Variants in TPST1 observed in about 807,000 individuals in gnomAD.
TPST1 encodes protein-tyrosine sulfotransferase 1.
A neutral mutation model predicts 34.8 loss-of-function variants in TPST1; 20 were observed. The observed-to-expected ratio is 0.57, with a 90% confidence interval of 0.40 to 0.84. The LOEUF (loss-of-function observed/expected upper bound fraction) is 0.84. TPST1 is among the 40% of genes least tolerant of loss of function. TPST1 has a pLI of 0.00. For missense variants in TPST1, 353 were observed against 455.5 expected (o/e 0.78, Z 2.05); for synonymous variants, 152 against 159.4 (o/e 0.95, Z 0.35).
intron 4 of TPST1, among the ~76,000 whole-genome samples, chr7:66,354,233 C>A (rs1369744406): frequency 6.6e-6 from 1 of 152,098 alleles, no homozygotes; most frequent in Non-Finnish European, 1.5e-5. Flanking sequence ...GAAACCTGGG[C>A]AGATTCATGA....
chr7:66,299,482 T>C (rs751421768), intron 3 of TPST1, among the ~76,000 whole-genome samples: 2 of 152,098 alleles, frequency 1.3e-5, no homozygotes, highest in African/African-American at 4.8e-5. Context: ...TTCTTATGAA[T>C]GTAATTTTTT....
chr7:66,247,154 A>G (rs1790166258), intron 2 of TPST1, among the ~76,000 whole-genome samples: 1 of 152,236 alleles, frequency 6.6e-6, no homozygotes, highest in African/African-American at 2.4e-5. Context: ...GAGGCCAGGC[A>G]CAGTGGCTCA....
chr7:66,221,991 C>T (rs560267114), intron 1 of TPST1, among the ~76,000 whole-genome samples: 7 of 152,038 alleles, frequency 4.6e-5, no homozygotes, highest in East Asian at 1.9e-4. Context: ...GTTTCATTTT[C>T]GATGTTTATT....
At chr7:66,296,276 T>C (rs2115999374) in intron 3 of TPST1, among the ~76,000 whole-genome samples, 1 of 99,922 alleles carries the variant, frequency 1.0e-5, no homozygotes, top group South Asian at 4.2e-4. Context: ...CGTCTCTGCC[T>C]ATCTTTAAAG....
intron 1 of TPST1, among the ~76,000 whole-genome samples, chr7:66,208,095 C>T (rs1789169342): frequency 6.6e-6 from 1 of 152,062 alleles, no homozygotes; most frequent in East Asian, 1.9e-4. Flanking sequence ...GGTTCCATTT[C>T]TGAACTATCA....
intron 4 of TPST1, among the ~76,000 whole-genome samples, chr7:66,354,736 C>T (rs1792549883): frequency 6.6e-6 from 1 of 152,074 alleles, no homozygotes; most frequent in Admixed American, 6.6e-5. Context: ...GCATGAGGCT[C>T]ACGCTTGTAA....
At position 66,240,573 on chromosome 7, in the gene TPST1, A is replaced by G; in HGVS notation, c.148A>G (p.Thr50Ala). ...AGTCAAATTGGAGAGCACAAGGACC[A>G]CTGTGAGAACTGGCCTGGACCTCAA... is the stretch of plus-strand genomic sequence containing the variant. ...QPVKLESTRT[T>A]VRTGLDLKAN... The change falls in exon 2 of 6, where the codon ACT becomes GCT. Residue 50 changes from threonine (T) to alanine (A), a missense_variant. By Grantham distance (58) the Thr-to-Ala change is moderately conservative. Transcript: ENST00000304842. The G allele has an allele frequency of 6.2e-7, 1 of 1,614,212 alleles. No homozygotes were observed. The highest frequency in any genetic ancestry group is 8.5e-7 in the Non-Finnish European group (1 of 1,180,026).
At chr7:66,250,140 T>C (rs1330109399) in intron 2 of TPST1, among the ~76,000 whole-genome samples, 1 of 152,166 alleles carries the variant, frequency 6.6e-6, no homozygotes, top group Non-Finnish European at 1.5e-5. Context: ...TACTGAACAT[T>C]TGTTATGTGC....
At chr7:66,283,469 G>C (rs184146970) in intron 2 of TPST1, among the ~76,000 whole-genome samples, 77 of 152,214 alleles carry the variant, frequency 5.1e-4, no homozygotes, top group Non-Finnish European at 9.9e-4. Flanking sequence ...CTCTTCCTCA[G>C]CTACTCAACT....
chr7:66,292,527 C>T (rs1361009386), intron 3 of TPST1, among the ~76,000 whole-genome samples: 1 of 64,164 alleles, frequency 1.6e-5, no homozygotes, highest in East Asian at 3.4e-4. Context: ...GGGCGTAGGA[C>T]CCTCTGAGCC....
chr7:66,336,478 C>T (rs1255706005), intron 3 of TPST1, among the ~76,000 whole-genome samples: 1 of 152,116 alleles, frequency 6.6e-6, no homozygotes, highest in African/African-American at 2.4e-5. Context: ...TGGAATAACT[C>T]ATTGGAAAGC....
At chr7:66,331,596 AT>A (rs1791996090) in intron 3 of TPST1, among the ~76,000 whole-genome samples, 1 of 152,174 alleles carries the variant, frequency 6.6e-6, no homozygotes, top group Non-Finnish European at 1.5e-5. Context: ...ATTATTTGAA[AT>A]TTTATTTCAT....
intron 3 of TPST1, among the ~76,000 whole-genome samples, chr7:66,350,494 C>T (rs964353259): frequency 6.6e-6 from 1 of 151,564 alleles, no homozygotes; most frequent in Non-Finnish European, 1.5e-5. Context: ...AGCCTTGTGT[C>T]TCTACTTCAG....
At chr7:66,275,439 A>T (rs180869303) in intron 2 of TPST1, among the ~76,000 whole-genome samples, 1 of 152,356 alleles carries the variant, frequency 6.6e-6, no homozygotes, top group Admixed American at 6.5e-5. Flanking sequence ...TGTTCATTAC[A>T]GCACTATTCA....
chr7:66,255,943 A>T (rs995160263), intron 2 of TPST1, among the ~76,000 whole-genome samples: 5 of 152,168 alleles, frequency 3.3e-5, no homozygotes, highest in African/African-American at 1.2e-4. Context: ...TCATTGATGA[A>T]TCATTGCCCA....
chr7:66,261,856 A>T (rs540024482), intron 2 of TPST1, among the ~76,000 whole-genome samples: 1 of 152,274 alleles, frequency 6.6e-6, no homozygotes, highest in South Asian at 2.1e-4. Context: ...ATATGTAAAG[A>T]GCTTAGGATA....
intron 3 of TPST1, among the ~76,000 whole-genome samples, chr7:66,326,480 G>A (rs1291203208): frequency 6.6e-6 from 1 of 152,196 alleles, no homozygotes; most frequent in African/African-American, 2.4e-5. Flanking sequence ...CTGTCTTTCA[G>A]TGTCTCTGAA....
In TPST1 at chr7:66,224,901, C is replaced by CTTTTTTTTTTTTT. The variant is rs780952403; in HGVS notation, c.-101-15405_-101-15393dup. 4.1e-3 allele frequency among the ~76,000 whole-genome samples: 172 copies of CTTTTTTTTTTTTT among 42,414 alleles called. 44 individuals are homozygous for CTTTTTTTTTTTTT. Among genetic ancestry groups the CTTTTTTTTTTTTT allele is most frequent in the East Asian group, 7.3e-3 (9 of 1,230 alleles). The allele number at this position is 42,414 out of a possible 152,430, so 27.8% of individuals were successfully genotyped here. On this transcript the variant is annotated intron_variant, in intron 1 of 5. Transcript: ENST00000304842. ...AACTGAGCCTGAACATTCTGGTATT[C>CTTTTTTTTTTTTT]TTTTTTTTTTTTTTTTTTTTTTTTT... is the stretch of plus-strand genomic sequence containing the variant.
chr7:66,295,281 G>C (rs1449773435), intron 3 of TPST1, among the ~76,000 whole-genome samples: 2 of 152,188 alleles, frequency 1.3e-5, no homozygotes, highest in Non-Finnish European at 2.9e-5. Flanking sequence ...GATCACTTGA[G>C]CTCAGGAGTT....
Sources: allele counts gnomAD v4.1 joint callset (sites outside exome capture counted in the v4.1 genomes callset), GRCh38; gene constraint gnomAD v4.1.1; transcripts MANE v1.5; gene names NCBI Gene and HGNC (gene_info 2026-07-23, HGNC 2026-07-21).